Variants in DCHS2 observed in about 807,000 individuals in gnomAD.
DCHS2 encodes dachsous cadherin-related 2, also known as protocadherin-23.
DCHS2 carries 142 observed loss-of-function variants against 182.4 expected under a neutral mutation model. The observed-to-expected ratio is 0.78, with a 90% CI of 0.68 to 0.89. The LOEUF (loss-of-function observed/expected upper bound fraction) is 0.89. Among genes scored for constraint, DCHS2 ranks in the 40% least tolerant of loss-of-function variants. The pLI is 0.00. For missense variants in DCHS2, 4,319 were observed against 4,198.6 expected, an observed-to-expected ratio of 1.03 and a Z score of -0.79; for synonymous variants, 1,740 against 1,663.3, an observed-to-expected ratio of 1.05 and a Z score of -1.12.
chr4:154,322,344 A>G lies in DCHS2; in HGVS notation c.4163T>C (p.Val1388Ala). The change falls in exon 8 of 20, where the codon GTT (valine) becomes GCT (alanine). Residue 1388 changes from valine to alanine, a missense_variant. Transcript: ENST00000357232. ...QGVPPLQGQA[V>A]VNIQVIPLSK... The stretch of plus-strand genomic sequence containing the variant: ...TGACAACATTACCTGAATATTAACA[A>G]CTGCCTGTCCTTGAAGAGGAGGCAC... 2 of 1,613,554 alleles carry G rather than the reference A, an allele frequency of 1.2e-6. No homozygotes were observed. Among genetic ancestry groups the G allele is most frequent in the Non-Finnish European group, 1.7e-6 (2 of 1,179,706 alleles).
intron 13 of DCHS2, among the ~76,000 whole-genome samples, chr4:154,282,273 C>T (rs537955071): frequency 1.3e-5 from 2 of 152,052 alleles, no homozygotes; most frequent in Middle Eastern, 6.8e-3. Flanking sequence ...TAGTTGCAAG[C>T]CACATATCTG....
chr4:154,324,560 T>C (rs891078316), intron 7 of DCHS2, among the ~76,000 whole-genome samples: 4 of 151,836 alleles, frequency 2.6e-5, no homozygotes, highest in Non-Finnish European at 5.9e-5. Context: ...TAGATTGGTA[T>C]CATAAGGTTT....
Position 154,298,581 on chromosome 4 carries a change from T to G in DCHS2, c.5733A>C (p.Pro1911=). The change falls in exon 13 of 20, where the codon CCA becomes CCC. Residue 1911 remains proline (P), a synonymous_variant. Transcript: ENST00000357232. ...LVILCSDLGD[P]PRSSVIHLQV... ...GCAGGTGTATTACAGAGCTCCTAGGTGGATCTCCCAGGTCAGAGCACAGAA... is the reference window on the plus strand; with the variant it reads ...GCAGGTGTATTACAGAGCTCCTAGGGGGATCTCCCAGGTCAGAGCACAGAA... 1 of 1,614,166 alleles carries G rather than the reference T, an allele frequency of 6.2e-7. No homozygotes were observed. The highest frequency in any genetic ancestry group is 2.2e-5 in the East Asian group (1 of 44,868).
chr4:154,304,922 C>A, intron 11 of DCHS2, 44 bp from the exon 12 acceptor site: 1 of 1,555,416 alleles, frequency 6.4e-7, no homozygotes, highest in South Asian at 1.2e-5. Context: ...GCCTTTGATT[C>A]ATACCTAAAA....
intron 1 of DCHS2, among the ~76,000 whole-genome samples, chr4:154,457,650 A>T (rs1475914905): frequency 6.6e-6 from 1 of 152,186 alleles, no homozygotes; most frequent in East Asian, 1.9e-4. Flanking sequence ...TATCTATGCC[A>T]TCTGTTACAT....
At chr4:154,485,981 C>T (rs983533396) in intron 1 of DCHS2, among the ~76,000 whole-genome samples, 1 of 152,136 alleles carries the variant, frequency 6.6e-6, no homozygotes, top group Non-Finnish European at 1.5e-5. Flanking sequence ...GGAGGAAAAT[C>T]TCTGGGTGTC....
At chr4:154,455,649 A>C (rs1734732752) in intron 1 of DCHS2, among the ~76,000 whole-genome samples, 2 of 152,368 alleles carry the variant, frequency 1.3e-5, no homozygotes, top group South Asian at 4.1e-4. Flanking sequence ...TCCAAATAAG[A>C]ACTGTACTAC....
intron 3 of DCHS2, among the ~76,000 whole-genome samples, chr4:154,337,445 C>G (rs944899488): frequency 1.3e-5 from 2 of 152,204 alleles, no homozygotes; most frequent in African/African-American, 4.8e-5. Flanking sequence ...GACCAGTCTT[C>G]TTGAAATCCA....
rs535404850 is a variant in DCHS2, at chr4:154,424,037, AT to A, written c.2053-46594del. On this transcript the variant is annotated intron_variant, in intron 1 of 19. Transcript: ENST00000357232. ...TTTGATAAATTATTGTACTTACAAT[AT>A]ACATGGTAGGAGCTTAACAAATGCT... Among the ~76,000 whole-genome samples, 138 of 152,342 alleles carry A rather than the reference AT, an allele frequency of 9.1e-4. 1 individual carries two copies. The highest frequency in any genetic ancestry group is 3.2e-3 in the African/African-American group (132 of 41,578).
chr4:154,259,483 C>T, intron 15 of DCHS2, 62 bp downstream of exon 15: 1 of 1,576,906 alleles, frequency 6.3e-7, no homozygotes, highest in Non-Finnish European at 8.6e-7. Context: ...CTCTCTCTCT[C>T]TCTCACACAG....
chr4:154,376,827 G>GT (rs1730922319), intron 2 of DCHS2, among the ~76,000 whole-genome samples: 1 of 152,086 alleles, frequency 6.6e-6, no homozygotes, highest in South Asian at 2.1e-4. Flanking sequence ...AAATGACTTG[G>GT]TTTTTTAAAA....
At chr4:154,334,585 T>G in intron 4 of DCHS2, 1 of 302,538 alleles carries the variant, frequency 3.3e-6, no homozygotes, top group South Asian at 5.8e-5. Context: ...ATGTGTGTGT[T>G]TTTGTGAGTG....
chr4:154,409,363 T>C (rs1175288445), intron 1 of DCHS2, among the ~76,000 whole-genome samples: 1 of 152,198 alleles, frequency 6.6e-6, no homozygotes, highest in Non-Finnish European at 1.5e-5. Flanking sequence ...CAGTGTCTTA[T>C]CTTCTGGGGC....
In DCHS2 at chr4:154,235,593, T is replaced by G. The variant is rs1448808318; in HGVS notation, c.9059A>C (p.Lys3020Thr). The G allele has an allele frequency of 6.2e-7, 1 of 1,613,826 alleles. No homozygotes were observed. The highest frequency in any genetic ancestry group is 8.5e-7 in the Non-Finnish European group (1 of 1,179,938). The change falls in exon 20 of 20, where the codon AAA becomes ACA. Residue 3020 changes from lysine to threonine, a missense_variant. Physicochemically the swap from Lys to Thr is moderately conservative, Grantham distance 78. Coordinates refer to ENST00000357232, the MANE Select transcript of DCHS2 (RefSeq NM_001358235.2). ...CILIVMILRH[K>T]QKDTINNYEE... ...ATAATTGTTTATTGTGTCTTTTTGT[T>G]TATGTCTTAAAATCATTACAATTAG... is the stretch of plus-strand genomic sequence containing the variant.
chr4:154,367,014 AC>A (rs1730408209), intron 2 of DCHS2, among the ~76,000 whole-genome samples: 1 of 152,144 alleles, frequency 6.6e-6, no homozygotes, highest in Non-Finnish European at 1.5e-5. Context: ...AGGCAGCTAG[AC>A]TTCAGTTACC....
chr4:154,357,257 G>C (rs1166299130), intron 3 of DCHS2: 4 of 1,613,366 alleles, frequency 2.5e-6, no homozygotes, highest in Middle Eastern at 1.6e-4. Flanking sequence ...TCTCTAAACT[G>C]TTCATTACTT....
rs1366704341 is a variant in DCHS2 at position 154,490,949 on chromosome 4, C to T, written c.407G>A (p.Arg136Gln). The change falls in exon 1 of 20, where the codon CGG becomes CAG. Residue 136 changes from arginine (R) to glutamine (Q), a missense_variant. Physicochemically the swap from Arg to Gln is conservative, Grantham distance 43 (BLOSUM62 1). Coordinates refer to ENST00000357232, the MANE Select transcript of DCHS2 (RefSeq NM_001358235.2). ...RTARRLDRER[R>Q]DHYSFVAATL... ...GGCGGCGACGAAGCTGTAGTGGTCC[C>T]GCCGCTCGCGGTCCAGGCGCCGCGC... 4.5e-6 allele frequency: 7 copies of T among 1,550,468 alleles called. No individual in the cohort carries two copies. Among genetic ancestry groups the T allele is most frequent in the Admixed American group, 2.0e-5 (1 of 50,982 alleles).
chr4:154,289,259 C>A (rs761812798), intron 13 of DCHS2, among the ~76,000 whole-genome samples: 1 of 151,686 alleles, frequency 6.6e-6, no homozygotes, highest in Non-Finnish European at 1.5e-5. Flanking sequence ...GAAGGCATTC[C>A]GACAGATACT....
chr4:154,297,553 G>A (rs942693639), intron 13 of DCHS2, among the ~76,000 whole-genome samples: 1 of 152,170 alleles, frequency 6.6e-6, no homozygotes, highest in African/African-American at 2.4e-5. Flanking sequence ...GGAAAACACA[G>A]TAAGAATATC....
Sources: allele counts gnomAD v4.1 joint callset (sites outside exome capture counted in the v4.1 genomes callset), GRCh38; gene constraint gnomAD v4.1.1; transcripts MANE v1.5; gene names NCBI Gene and HGNC (gene_info 2026-07-23, HGNC 2026-07-21).